The following KLHL20 variants were observed in gnomAD, a reference collection of about 807,000 sequenced individuals.
KLHL20 encodes kelch-like protein 20.
KLHL20 carries 29 observed loss-of-function variants against 69.5 expected under a neutral mutation model. That is an observed-to-expected ratio of 0.42 (90% CI 0.31 to 0.57). KLHL20 has a LOEUF of 0.57. KLHL20 is among the 20% of genes least tolerant of loss of function. The pLI, the probability that KLHL20 is intolerant of heterozygous loss-of-function variation, is 0.18. For synonymous variants in KLHL20, 253 were observed against 265.2 expected (o/e 0.95, Z 0.45); for missense variants, 419 against 776.0 (o/e 0.54, Z 5.47).
intron 8 of KLHL20, among the ~76,000 whole-genome samples, chr1:173,767,894 A>T (rs1321477703): frequency 6.6e-6 from 1 of 152,026 alleles, no homozygotes; most frequent in Admixed American, 6.6e-5. Context: ...TGTTTGATGT[A>T]ATCTTACTTT....
At chr1:173,722,330 A>G (rs889543887) in intron 2 of KLHL20, among the ~76,000 whole-genome samples, 1 of 152,108 alleles carries the variant, frequency 6.6e-6, no homozygotes, top group African/African-American at 2.4e-5. Flanking sequence ...ATATGGATGG[A>G]CACCAATGGC....
At chr1:173,743,762 T>G (rs957341759) in intron 3 of KLHL20, among the ~76,000 whole-genome samples, 6 of 152,076 alleles carry the variant, frequency 3.9e-5, no homozygotes, top group African/African-American at 1.2e-4. Flanking sequence ...TTTCTATGTC[T>G]TTCTTGCATG....
chr1:173,739,156 TC>T (rs1468080513), intron 3 of KLHL20, among the ~76,000 whole-genome samples: 1 of 151,978 alleles, frequency 6.6e-6, no homozygotes, highest in Non-Finnish European at 1.5e-5. Flanking sequence ...CACTGCAACC[TC>T]CACCTCCCAC....
intron 3 of KLHL20, chr1:173,741,700 A>T (rs1409406367): frequency 1.8e-6 from 2 of 1,128,742 alleles, no homozygotes; most frequent in Non-Finnish European, 2.5e-6. Context: ...GATCTCCTTC[A>T]TCCCTCTCCA....
At chr1:173,751,686 C>T (rs1673321727) in intron 3 of KLHL20, 78 bp from the exon 4 acceptor site, 1 of 1,417,974 alleles carries the variant, frequency 7.1e-7, no homozygotes, top group African/African-American at 1.4e-5. Flanking sequence ...CAGCTTTGTC[C>T]CATAACCCTG....
chr1:173,759,523 AC>A (rs1405029600), intron 7 of KLHL20, among the ~76,000 whole-genome samples: 1 of 152,074 alleles, frequency 6.6e-6, no homozygotes, highest in Non-Finnish European at 1.5e-5. Context: ...CAGCTGAGAG[AC>A]CCATAGATGG....
intron 7 of KLHL20, among the ~76,000 whole-genome samples, chr1:173,765,000 G>A (rs924044972): frequency 2.6e-5 from 4 of 152,150 alleles, no homozygotes; most frequent in Non-Finnish European, 5.9e-5. Flanking sequence ...CAACTAAGGT[G>A]GTACCCAGGG....
intron 10 of KLHL20, among the ~76,000 whole-genome samples, chr1:173,779,826 CT>C (rs1275868052): frequency 6.6e-6 from 1 of 152,196 alleles, no homozygotes; most frequent in Non-Finnish European, 1.5e-5. Context: ...GGCTCCACCC[CT>C]AGTCCCCACA....
chr1:173,761,736 GGCGGT>G (rs1343168902), intron 7 of KLHL20, among the ~76,000 whole-genome samples: 2 of 152,140 alleles, frequency 1.3e-5, no homozygotes, highest in African/African-American at 4.8e-5. Flanking sequence ...ACACAGCAAA[GGCGGT>G]GCTAAGAGGA....
At chr1:173,783,309 TC>T (rs2102543877) in intron 11 of KLHL20, among the ~76,000 whole-genome samples, 1 of 152,316 alleles carries the variant, frequency 6.6e-6, no homozygotes, top group African/African-American at 2.4e-5. Flanking sequence ...GGGAAATTTT[TC>T]TTATGACCAT....
At chr1:173,761,054 A>G (rs1346191147) in intron 7 of KLHL20, among the ~76,000 whole-genome samples, 1 of 152,234 alleles carries the variant, frequency 6.6e-6, no homozygotes, top group Non-Finnish European at 1.5e-5. Flanking sequence ...ATTTAATGCA[A>G]ATGGACACCA....
intron 2 of KLHL20, among the ~76,000 whole-genome samples, chr1:173,720,117 A>G (rs532783071): frequency 2.6e-4 from 39 of 152,194 alleles, no homozygotes; most frequent in Admixed American, 4.6e-4. Context: ...GCGAGACTTC[A>G]TCTCTAAAAT....
intron 2 of KLHL20, among the ~76,000 whole-genome samples, chr1:173,725,447 T>C (rs1671909988): frequency 6.6e-6 from 1 of 152,210 alleles, no homozygotes; most frequent in Non-Finnish European, 1.5e-5. Context: ...CAAGCAAGAA[T>C]GGGCTGTTTT....
rs376602210 is a variant in KLHL20 at position 173,775,592 on chromosome 1, A to G, written c.1430-42A>G. The stretch of plus-strand genomic sequence containing the variant: ...ATAAAGAAAACTGGAGGTGAGAGGA[A>G]ATGGTTGAATGCTCACTTACTGGTT... On this transcript the variant is annotated intron_variant, in intron 9 of 11. Transcript: ENST00000209884. 18 of 1,535,096 alleles carry G rather than the reference A, an allele frequency of 1.2e-5. No homozygotes were observed. The African/African-American group carries it at 2.2e-4, about 19-fold the overall frequency.
At chr1:173,733,581 C>A in intron 2 of KLHL20, 132 bp from the exon 3 acceptor site, 1 of 790,284 alleles carries the variant, frequency 1.3e-6, no homozygotes, top group Non-Finnish European at 2.0e-6. Context: ...GACATCATCT[C>A]TACAAAAAAT....
intron 10 of KLHL20, among the ~76,000 whole-genome samples, chr1:173,780,328 C>T (rs1237866971): frequency 6.6e-6 from 1 of 152,132 alleles, no homozygotes; most frequent in Non-Finnish European, 1.5e-5. Context: ...TAAATAAACC[C>T]TACAGTAGTG....
At chr1:173,734,733 A>T (rs1314359218) in intron 3 of KLHL20, among the ~76,000 whole-genome samples, 2 of 152,208 alleles carry the variant, frequency 1.3e-5, no homozygotes, top group Non-Finnish European at 2.9e-5. Flanking sequence ...AATTTTCATT[A>T]AACCTATCTT....
intron 3 of KLHL20, among the ~76,000 whole-genome samples, chr1:173,737,020 A>G (rs1571872803): frequency 6.6e-6 from 1 of 152,166 alleles, no homozygotes; most frequent in Non-Finnish European, 1.5e-5. Flanking sequence ...CCATTTGTAT[A>G]TCTTCTTTTG....
intron 8 of KLHL20, among the ~76,000 whole-genome samples, chr1:173,766,762 A>G (rs1647748272): frequency 6.6e-6 from 1 of 152,128 alleles, no homozygotes; most frequent in African/African-American, 2.4e-5. Context: ...CTTAAAGTCT[A>G]GGAAAATGAA....
Sources: gnomAD v4.1 joint callset for allele counts (sites outside exome capture counted in the v4.1 genomes callset) on GRCh38, gnomAD v4.1.1 for gene constraint, MANE v1.5 for transcripts, NCBI Gene and HGNC (gene_info 2026-07-23, HGNC 2026-07-21) for gene names.